The following PLEKHB2 variants were observed in gnomAD, a reference collection of about 807,000 sequenced individuals.
PLEKHB2 encodes pleckstrin homology domain containing B2, also known as pleckstrin homology domain-containing family B member 2.
In PLEKHB2, 31 loss-of-function variants were observed where a neutral mutation model predicts 36.5. The observed-to-expected ratio is 0.85, with a 90% confidence interval of 0.64 to 1.15. The LOEUF (loss-of-function observed/expected upper bound fraction) is 1.15. Ranked by LOEUF, PLEKHB2 falls within the 50% of genes most tolerant of loss-of-function variation. The pLI is 0.00. For missense variants in PLEKHB2, 262 were observed against 295.3 expected (o/e 0.89, Z 0.83); for synonymous variants, 119 against 112.0 (o/e 1.06, Z -0.39).
intron 1 of PLEKHB2, chr2:131,120,413 T>C (rs1275466965): frequency 6.3e-6 from 1 of 157,826 alleles, no homozygotes; most frequent in African/African-American, 2.4e-5. Context: ...TAAAGTCTCA[T>C]TTAACTTTTT....
chr2:131,133,185 T>C (rs547803945), intron 6 of PLEKHB2, among the ~76,000 whole-genome samples, 194 bp downstream of exon 6: 66 of 152,380 alleles, frequency 4.3e-4, no homozygotes, highest in Non-Finnish European at 5.9e-5. Context: ...TATAATGTGC[T>C]GTATTAATGT....
chr2:131,135,594 G>T (rs931265464), intron 6 of PLEKHB2, among the ~76,000 whole-genome samples: 1 of 151,932 alleles, frequency 6.6e-6, no homozygotes, highest in Non-Finnish European at 1.5e-5. Context: ...CTGATTTTAG[G>T]GGGGATGTAT....
chr2:131,121,230 G>T (rs1486115875), intron 2 of PLEKHB2, among the ~76,000 whole-genome samples: 2 of 152,094 alleles, frequency 1.3e-5, no homozygotes, highest in African/African-American at 4.8e-5. Context: ...TCACTAGCAT[G>T]CTTTACTTTT....
At chr2:131,138,921 C>G (rs1021797605) in intron 6 of PLEKHB2, among the ~76,000 whole-genome samples, 2 of 152,102 alleles carry the variant, frequency 1.3e-5, no homozygotes, top group African/African-American at 4.8e-5. Context: ...AAATTCTCAG[C>G]CCCCCACTCA....
chr2:131,141,607 T>C (rs966570941), intron 7 of PLEKHB2, among the ~76,000 whole-genome samples: 17 of 132,228 alleles, frequency 1.3e-4, no homozygotes, highest in Non-Finnish European at 2.3e-4. Context: ...GTCACTGAAC[T>C]CCAGCCTGGG....
rs1699555293 is a variant in PLEKHB2 at position 131,149,840 on chromosome 2, A to C, written c.*3067A>C. 6.6e-6 allele frequency: 1 copy of C among 152,240 alleles called. No individual in the cohort carries two copies. Among genetic ancestry groups the C allele is most frequent in the Non-Finnish European group, 1.5e-5 (1 of 68,046 alleles). The allele number at this position is 152,240 out of a possible 1,614,324, so 9.4% of individuals were successfully genotyped here. On this transcript the variant is annotated 3_prime_UTR_variant, in exon 8 of 8. Transcript: ENST00000693505. ...GTCAATACATTAAAGCATTAACCTTAAAGCATGTTTCATTGTGACTTCTGT... is the reference window on the plus strand; with the variant it reads ...GTCAATACATTAAAGCATTAACCTTCAAGCATGTTTCATTGTGACTTCTGT...
chr2:131,140,920 C>T (rs1376924283), intron 7 of PLEKHB2, among the ~76,000 whole-genome samples: 2 of 152,186 alleles, frequency 1.3e-5, no homozygotes, highest in African/African-American at 4.8e-5. Flanking sequence ...GCGCAGTGGG[C>T]ACAGCACCAT....
chr2:131,130,218 A>AT (rs1169757996), intron 4 of PLEKHB2, among the ~76,000 whole-genome samples: 2 of 151,692 alleles, frequency 1.3e-5, no homozygotes, highest in Non-Finnish European at 2.9e-5. Flanking sequence ...TAATGTTTAT[A>AT]TTTTTTGTAG....
chr2:131,116,389 TC>T (rs1559055058), intron 1 of PLEKHB2, among the ~76,000 whole-genome samples: 1 of 152,322 alleles, frequency 6.6e-6, no homozygotes, highest in East Asian at 1.9e-4. Context: ...TAGTCTGTTC[TC>T]ATACTCCTTT....
chr2:131,128,215 G>T (rs1452136058), intron 4 of PLEKHB2, among the ~76,000 whole-genome samples: 1 of 152,182 alleles, frequency 6.6e-6, no homozygotes, highest in East Asian at 1.9e-4. Flanking sequence ...GGTAGGAAGC[G>T]TGTCAAGGAG....
chr2:131,122,782 A>G (rs1379628579), intron 2 of PLEKHB2, among the ~76,000 whole-genome samples: 2 of 152,188 alleles, frequency 1.3e-5, no homozygotes, highest in Non-Finnish European at 2.9e-5. Context: ...TTAGTCCTGT[A>G]GTCTTAGAAT....
intron 2 of PLEKHB2, among the ~76,000 whole-genome samples, chr2:131,121,847 ACTGT>A (rs1483606107): frequency 1.3e-5 from 2 of 151,972 alleles, no homozygotes; most frequent in Admixed American, 1.3e-4. Flanking sequence ...TCTTTCATAC[ACTGT>A]CTGCTTATCT....
chr2:131,133,973 C>A (rs1295219353), intron 6 of PLEKHB2, among the ~76,000 whole-genome samples: 1 of 150,076 alleles, frequency 6.7e-6, no homozygotes, highest in East Asian at 2.0e-4. Context: ...GATCTCGGCT[C>A]ACTAAAAGCT....
chr2:131,126,906 A>G, intron 4 of PLEKHB2, 120 bp downstream of exon 4: 1 of 635,948 alleles, frequency 1.6e-6, no homozygotes, highest in Middle Eastern at 3.8e-4. Context: ...TAAGGGACTC[A>G]GTGGATGTAT....
At position 131,146,160 on chromosome 2, in the gene PLEKHB2, G is replaced by A. The variant is rs529493379; in HGVS notation, c.533-477G>A. ...TCATGCCACTGCACTCCAGCCTGGG[G>A]ACAGAGCAAGACTCCTTCTCAAAAA... On this transcript the variant is annotated intron_variant, in intron 7 of 7. Transcript: ENST00000693505. Among the ~76,000 whole-genome samples, 151 of 150,972 alleles carry A rather than the reference G, an allele frequency of 1.0e-3. 1 individual carries two copies. The highest frequency in any genetic ancestry group is 3.4e-3 in the African/African-American group (139 of 41,092).
chr2:131,138,956 G>T (rs191751436), intron 6 of PLEKHB2, among the ~76,000 whole-genome samples: 1 of 152,138 alleles, frequency 6.6e-6, no homozygotes, highest in African/African-American at 2.4e-5. Context: ...TGTTCTGAAG[G>T]CCCGGCAGTG....
intron 7 of PLEKHB2, among the ~76,000 whole-genome samples, chr2:131,144,723 A>G (rs1379061921): frequency 1.3e-5 from 2 of 152,202 alleles, no homozygotes; most frequent in Non-Finnish European, 2.9e-5. Context: ...ACTGAGCTCA[A>G]TGCAGGAGCA....
chr2:131,139,675 C>T (rs756870852), intron 6 of PLEKHB2, among the ~76,000 whole-genome samples: 1 of 152,180 alleles, frequency 6.6e-6, no homozygotes, highest in Non-Finnish European at 1.5e-5. Context: ...CACCATCAGT[C>T]ACCTGCCCAG....
At chr2:131,144,921 GA>G (rs2104989054) in intron 7 of PLEKHB2, among the ~76,000 whole-genome samples, 1 of 152,372 alleles carries the variant, frequency 6.6e-6, no homozygotes, top group South Asian at 2.1e-4. Context: ...TCAGGGCTGT[GA>G]AAGTAAATGC....
Sources: gnomAD v4.1 joint callset for allele counts (sites outside exome capture counted in the v4.1 genomes callset) on GRCh38, gnomAD v4.1.1 for gene constraint, MANE v1.5 for transcripts, NCBI Gene and HGNC (gene_info 2026-07-23, HGNC 2026-07-21) for gene names.